The following CD226 variants were observed in gnomAD, a reference collection of about 807,000 sequenced individuals.
CD226 encodes the protein CD226 antigen.
CD226 carries 24 observed loss-of-function variants against 34.9 expected under a neutral mutation model. That is an observed-to-expected ratio of 0.69 (90% confidence interval 0.50 to 0.97). The LOEUF is 0.97. Ranked by LOEUF, CD226 falls within the 50% of genes least tolerant of loss-of-function variation. The pLI, the probability that CD226 is intolerant of heterozygous loss-of-function variation, is 0.00. For missense variants in CD226, 397 were observed against 412.7 expected (o/e 0.96, Z 0.33); for synonymous variants, 148 against 147.4 (o/e 1.00, Z -0.03).
upstream of CD226, among the ~76,000 whole-genome samples, chr18:69,948,375 C>T (rs2055817815): frequency 6.6e-6 from 1 of 152,158 alleles, no homozygotes; most frequent in Admixed American, 6.5e-5. Context: ...TGTATAAATG[C>T]ATTTGACCCT....
intron 4 of CD226, among the ~76,000 whole-genome samples, chr18:69,872,159 A>C (rs1229292521): frequency 1.3e-5 from 2 of 152,004 alleles, no homozygotes; most frequent in African/African-American, 4.8e-5. Flanking sequence ...GCAAACATAT[A>C]TTAAGTATCT....
chr18:69,930,638 G>A (rs1326915090), intron 2 of CD226, among the ~76,000 whole-genome samples: 1 of 152,140 alleles, frequency 6.6e-6, no homozygotes, highest in Non-Finnish European at 1.5e-5. Flanking sequence ...TTGTCTTGTC[G>A]AGACCTCTAA....
chr18:69,876,299 C>T (rs961091569), intron 3 of CD226, among the ~76,000 whole-genome samples: 3 of 152,096 alleles, frequency 2.0e-5, no homozygotes, highest in Non-Finnish European at 4.4e-5. Context: ...GAATACTTAA[C>T]AATTAAGATG....
At chr18:69,891,940 A>G (rs1488926959) in intron 3 of CD226, among the ~76,000 whole-genome samples, 1 of 152,194 alleles carries the variant, frequency 6.6e-6, no homozygotes, top group Non-Finnish European at 1.5e-5. Context: ...ACCTCGTCCC[A>G]TATTAATACA....
chr18:69,920,590 A>G (rs887755062), intron 2 of CD226, among the ~76,000 whole-genome samples: 3 of 152,164 alleles, frequency 2.0e-5, no homozygotes, highest in Non-Finnish European at 2.9e-5. Context: ...ACTTTGCTTC[A>G]TTCTTCTATA....
intron 3 of CD226, among the ~76,000 whole-genome samples, chr18:69,875,102 T>C (rs1022060638): frequency 2.6e-5 from 4 of 152,128 alleles, no homozygotes; most frequent in African/African-American, 9.7e-5. Flanking sequence ...ACCCATCAGA[T>C]TGCTGGTTCA....
At chr18:69,917,824 C>A (rs1450234471) in intron 2 of CD226, among the ~76,000 whole-genome samples, 1 of 152,196 alleles carries the variant, frequency 6.6e-6, no homozygotes, top group Non-Finnish European at 1.5e-5. Context: ...CTGTCTAATA[C>A]TTAATCCATT....
chr18:69,913,079 G>A (rs1599002791), intron 2 of CD226, among the ~76,000 whole-genome samples: 1 of 152,102 alleles, frequency 6.6e-6, no homozygotes, highest in Non-Finnish European at 1.5e-5. Context: ...ACTTCTGATG[G>A]GCAGATTCCT....
At chr18:69,879,606 T>C (rs1790966) in intron 3 of CD226, among the ~76,000 whole-genome samples, 66,666 of 152,014 alleles carry the variant, frequency 0.44, 14,901 homozygotes, top group Middle Eastern at 0.61. Flanking sequence ...TGTTCAAACA[T>C]ACATGCTTTA....
At chr18:69,938,845 G>C (rs2055687142) in intron 2 of CD226, among the ~76,000 whole-genome samples, 1 of 152,190 alleles carries the variant, frequency 6.6e-6, no homozygotes, top group Non-Finnish European at 1.5e-5. Context: ...AGCACTTTGG[G>C]AGGCCAAGGT....
At chr18:69,931,649 G>A (rs2055590759) in intron 2 of CD226, among the ~76,000 whole-genome samples, 1 of 152,198 alleles carries the variant, frequency 6.6e-6, no homozygotes, top group African/African-American at 2.4e-5. Flanking sequence ...CAATTTCTGA[G>A]CCAAAGCTCT....
At chr18:69,907,317 T>A (rs928722256) in intron 2 of CD226, among the ~76,000 whole-genome samples, 12 of 152,136 alleles carry the variant, frequency 7.9e-5, no homozygotes, top group Non-Finnish European at 4.4e-5. Context: ...TTCCTAAATG[T>A]CTTTTTTGTT....
intron 1 of CD226, among the ~76,000 whole-genome samples, chr18:69,953,600 G>T (rs1223375588): frequency 6.6e-6 from 1 of 152,200 alleles, no homozygotes; most frequent in African/African-American, 2.4e-5. Context: ...ACTGTTTAAG[G>T]TATGGGGTTT....
intron 1 of CD226, among the ~76,000 whole-genome samples, chr18:69,954,229 A>C (rs1215399337): frequency 6.6e-6 from 1 of 152,216 alleles, no homozygotes; most frequent in East Asian, 1.9e-4. Context: ...GTACATTCTA[A>C]GAATACAGTA....
At chr18:69,864,478 G>T (rs1166041927) in intron 5 of CD226, 39 bp from the exon 6 acceptor site, 1 of 1,599,150 alleles carries the variant, frequency 6.3e-7, no homozygotes, top group South Asian at 1.1e-5. Context: ...ATAATTCACT[G>T]CATTTCAACA....
chr18:69,900,004 A>C (rs1465401848), intron 2 of CD226, among the ~76,000 whole-genome samples: 1 of 152,220 alleles, frequency 6.6e-6, no homozygotes, highest in African/African-American at 2.4e-5. Context: ...AGCACTAATC[A>C]CAATAGCAAA....
At chr18:69,928,936 G>A (rs2055556131) in intron 2 of CD226, among the ~76,000 whole-genome samples, 1 of 152,188 alleles carries the variant, frequency 6.6e-6, no homozygotes, top group South Asian at 2.1e-4. Context: ...AAGTGACTTT[G>A]GAAGGTATGC....
chr18:69,943,732 C>G (rs1043557066), intron 2 of CD226, among the ~76,000 whole-genome samples: 1 of 152,172 alleles, frequency 6.6e-6, no homozygotes, highest in Admixed American at 6.5e-5. Flanking sequence ...GGAAAGACTA[C>G]TAGACCTCAC....
chr18:69,887,334 C>A (rs1299755493), intron 3 of CD226, among the ~76,000 whole-genome samples: 1 of 152,114 alleles, frequency 6.6e-6, no homozygotes, highest in Non-Finnish European at 1.5e-5. Context: ...CACACACACA[C>A]ACACACACAA....
Sources: gnomAD v4.1 joint callset for allele counts (sites outside exome capture counted in the v4.1 genomes callset) on GRCh38, gnomAD v4.1.1 for gene constraint, MANE v1.5 for transcripts, NCBI Gene and HGNC (gene_info 2026-07-23, HGNC 2026-07-21) for gene names.